Variants in DAB2IP observed in about 807,000 individuals in gnomAD.
DAB2IP encodes disabled homolog 2-interacting protein.
DAB2IP carries 28 observed loss-of-function variants against 107.2 expected under a neutral mutation model. That is an observed-to-expected ratio of 0.26 (90% CI 0.19 to 0.36). DAB2IP has a LOEUF of 0.36. Among genes scored for constraint, DAB2IP ranks in the 10% least tolerant of loss-of-function variants. The pLI, the probability that DAB2IP is intolerant of heterozygous loss-of-function variation, is 1.00. For synonymous variants in DAB2IP, 755 were observed against 706.4 expected (o/e 1.07, Z -1.09); for missense variants, 1,400 against 1,644.7 (o/e 0.85, Z 2.57).
At chr9:121,636,014 G>A (rs377130595) in intron 1 of DAB2IP, among the ~76,000 whole-genome samples, 6 of 152,096 alleles carry the variant, frequency 3.9e-5, no homozygotes, top group African/African-American at 1.4e-4. Context: ...AGTGATTCTC[G>A]TGTCTCAGCC....
rs895674817 is a variant in DAB2IP, at chr9:121,772,416, G to A, written c.2079-191G>A. 6.6e-6 allele frequency among the ~76,000 whole-genome samples: 1 copy of A among 152,104 alleles called. No individual in the cohort carries two copies. The highest frequency in any genetic ancestry group is 2.4e-5 in the African/African-American group (1 of 41,398). On this transcript the variant is annotated intron_variant, in intron 11 of 15. Transcript: ENST00000408936. The surrounding 1 kb of genome is among the most constrained non-coding windows in gnomAD (Gnocchi z 4.7). ...CCCCTAAAGAAGAGGTTCTGTGCAG[G>A]AGCAGCCGCCTCAGCCTCTGGTCCC...
exon 12 of DAB2IP, chr9:121,773,415 C>T (rs748204756): frequency 6.3e-7 from 1 of 1,575,714 alleles, no homozygotes; most frequent in Non-Finnish European, 8.6e-7. Context: ...TTGGGTGGGC[C>T]CCAGTACCCG....
At chr9:121,711,130 G>A (rs145580560) in intron 3 of DAB2IP, among the ~76,000 whole-genome samples, 1 of 152,318 alleles carries the variant, frequency 6.6e-6, no homozygotes. Flanking sequence ...CACTTGAAAG[G>A]CCTTGTTGTC....
chr9:121,677,193 C>T (rs1431327464), intron 1 of DAB2IP, among the ~76,000 whole-genome samples: 2 of 152,112 alleles, frequency 1.3e-5, no homozygotes, highest in African/African-American at 4.8e-5. Flanking sequence ...TGGAAAATAA[C>T]TGGAAGCCAG....
chr9:121,612,275 C>T (rs548253512), intron 1 of DAB2IP, among the ~76,000 whole-genome samples: 11 of 152,030 alleles, frequency 7.2e-5, no homozygotes, highest in South Asian at 2.1e-4. Flanking sequence ...GAGCCGGAGC[C>T]GTGATCGTAC....
rs1833241902 is a variant in DAB2IP, at chr9:121,662,246, C to T, written c.124+10347C>T. Among the ~76,000 whole-genome samples, 1 of 152,164 alleles carries T rather than the reference C, an allele frequency of 6.6e-6. No homozygotes were observed. The highest frequency in any genetic ancestry group is 6.5e-5 in the Admixed American group (1 of 15,272). ...TGAACAAACCTTAACATTGCCATAC[C>T]TGCCTCTCTTCTCTTTTCTTTCTAT... On this transcript the variant is annotated intron_variant, in intron 1 of 15. Transcript: ENST00000408936. The surrounding 1 kb of genome is among the most constrained non-coding windows in gnomAD (Gnocchi z 4.6).
intron 1 of DAB2IP, among the ~76,000 whole-genome samples, chr9:121,622,280 A>ACCGGGC (rs1390522020): frequency 6.6e-6 from 1 of 151,900 alleles, no homozygotes; most frequent in Admixed American, 6.6e-5. Flanking sequence ...GAGCCACCGC[A>ACCGGGC]CCCGGCCCCG....
chr9:121,611,270 G>A (rs1285652962), intron 1 of DAB2IP, among the ~76,000 whole-genome samples: 1 of 151,954 alleles, frequency 6.6e-6, no homozygotes. Context: ...TGCCATGCCT[G>A]GCCTTGACCA....
chr9:121,735,837 TTGTTTCCG>T (rs1831858636), intron 3 of DAB2IP, among the ~76,000 whole-genome samples: 1 of 152,178 alleles, frequency 6.6e-6, no homozygotes, highest in South Asian at 2.1e-4. Context: ...CTAGGGGTTT[TTGTTTCCG>T]TGTTTAAATG....
At chr9:121,730,558 G>A (rs375319931) in intron 3 of DAB2IP, among the ~76,000 whole-genome samples, 1 of 152,200 alleles carries the variant, frequency 6.6e-6, no homozygotes, top group Non-Finnish European at 1.5e-5. Context: ...TCCAGGCTCC[G>A]TAACTGTGTG....
At chr9:121,625,617 G>A (rs1831618176) in intron 1 of DAB2IP, among the ~76,000 whole-genome samples, 1 of 150,698 alleles carries the variant, frequency 6.6e-6, no homozygotes, top group Non-Finnish European at 1.5e-5. Context: ...CAGTGAGTAG[G>A]TTTTGGAGTT....
chr9:121,649,164 C>T (rs77559904), upstream of DAB2IP, among the ~76,000 whole-genome samples: 4,189 of 152,178 alleles, frequency 0.028, 192 homozygotes, highest in African/African-American at 0.094. Flanking sequence ...AGCTGGTTGG[C>T]GATGCCCATT....
intron 3 of DAB2IP, among the ~76,000 whole-genome samples, chr9:121,744,045 GC>G (rs756727352): frequency 1.3e-5 from 2 of 152,222 alleles, no homozygotes; most frequent in African/African-American, 4.8e-5. Context: ...CCTGTGGTGT[GC>G]TCCGTTGAGA....
chr9:121,736,808 C>G lies in DAB2IP; in HGVS notation c.363-20205C>G, dbSNP rs542667111. ...TCGAGTGTCTACTCTGTGCCAGGCT[C>G]TGGTTCGAGGTGTGCTGGGCTTACC... On this transcript the variant is annotated intron_variant, in intron 3 of 15. Transcript: ENST00000408936. The surrounding 1 kb of genome is among the most constrained non-coding windows in gnomAD (Gnocchi z 4.6). 1.9e-4 allele frequency among the ~76,000 whole-genome samples: 29 copies of G among 152,350 alleles called. 1 individual carries two copies. In the South Asian group the frequency reaches 5.2e-3, roughly 27 times the overall value.
chr9:121,759,703 G>A (rs1490030778), intron 5 of DAB2IP, among the ~76,000 whole-genome samples, 182 bp from the exon 6 acceptor site: 5 of 152,166 alleles, frequency 3.3e-5, no homozygotes, highest in African/African-American at 7.2e-5. Flanking sequence ...CTGTGAGGTC[G>A]ACCAGAGATC....
At chr9:121,673,823 C>T (rs1410082959) in intron 1 of DAB2IP, among the ~76,000 whole-genome samples, 1 of 152,112 alleles carries the variant, frequency 6.6e-6, no homozygotes, top group Non-Finnish European at 1.5e-5. Flanking sequence ...AGTGTGACCA[C>T]GGGCACATCA....
At chr9:121,755,773 G>T (rs938759568) in intron 3 of DAB2IP, among the ~76,000 whole-genome samples, 1 of 152,188 alleles carries the variant, frequency 6.6e-6, no homozygotes, top group Non-Finnish European at 1.5e-5. Flanking sequence ...CGGGGCAGTC[G>T]CAGAAATGAG....
rs1829821745 is a variant in DAB2IP at position 121,702,164 on chromosome 9, C to G, written c.362+2706C>G. ...GCTGCTGAAGAGGCTTTGTTGAATG[C>G]TGTCTGCGTGCTCCGCAAGCTGCTG... On this transcript the variant is annotated intron_variant, in intron 3 of 15. Transcript: ENST00000408936. The surrounding 1 kb of genome is among the most constrained non-coding windows in gnomAD (Gnocchi z 4.5). Among the ~76,000 whole-genome samples the G allele has an allele frequency of 6.6e-6, 1 of 152,226 alleles. No homozygotes were observed. Among genetic ancestry groups the G allele is most frequent in the African/African-American group, 2.4e-5 (1 of 41,456 alleles).
rs949249489 is a variant in DAB2IP, at chr9:121,684,414, A to G, written c.228+5633A>G. Among the ~76,000 whole-genome samples the G allele has an allele frequency of 1.3e-5, 2 of 152,054 alleles. No individual in the cohort carries two copies. Among genetic ancestry groups the G allele is most frequent in the Non-Finnish European group, 2.9e-5 (2 of 68,012 alleles). On this transcript the variant is annotated intron_variant, in intron 2 of 15. Coordinates refer to ENST00000408936, the Ensembl canonical transcript of DAB2IP. This position sits in a 1 kb window ranked among gnomAD's most constrained non-coding sequence, Gnocchi z 4.0. Reference sequence around the variant, plus strand: ...CCTGTCCTCTCCTCCCAGCACCTGGATATCAGCCACCCCGTCTGAGCTGAG... The same window carrying G: ...CCTGTCCTCTCCTCCCAGCACCTGGGTATCAGCCACCCCGTCTGAGCTGAG...
Sources: gnomAD v4.1 joint callset for allele counts (sites outside exome capture counted in the v4.1 genomes callset) on GRCh38, gnomAD v4.1.1 for gene constraint, Gnocchi (gnomAD v3.1) non-coding constraint, MANE v1.5 for transcripts, NCBI Gene and HGNC (gene_info 2026-07-23, HGNC 2026-07-21) for gene names.